The following PARD3 variants were observed in gnomAD, a reference collection of about 807,000 sequenced individuals.
The protein encoded by PARD3 is par-3 family cell polarity regulator.
PARD3 carries 75 observed loss-of-function variants against 155.4 expected under a neutral mutation model. The observed-to-expected ratio is 0.48, with a 90% confidence interval of 0.40 to 0.58. The LOEUF (loss-of-function observed/expected upper bound fraction) is 0.58. PARD3 is among the 20% of genes least tolerant of loss of function. PARD3 has a pLI of 0.00. For synonymous variants in PARD3, 576 were observed against 610.5 expected (o/e 0.94, Z 0.83); for missense variants, 1,642 against 1,721.7 (o/e 0.95, Z 0.82).
At chr10:34,733,920 A>G (rs1324296024) in intron 1 of PARD3, among the ~76,000 whole-genome samples, 1 of 151,700 alleles carries the variant, frequency 6.6e-6, no homozygotes, top group Non-Finnish European at 1.5e-5. Flanking sequence ...AGAGTAAATT[A>G]TGCTTCTGCG....
chr10:34,308,850 G>A (rs1957550053), intron 20 of PARD3, among the ~76,000 whole-genome samples: 2 of 152,108 alleles, frequency 1.3e-5, no homozygotes, highest in Admixed American at 1.3e-4. Context: ...GAGCACCTGG[G>A]GCACAAGACC....
intron 2 of PARD3, among the ~76,000 whole-genome samples, chr10:34,551,563 G>A (rs1316471651): frequency 1.3e-5 from 2 of 152,170 alleles, no homozygotes; most frequent in South Asian, 2.1e-4. Context: ...ACTGCCCCAA[G>A]CAGAAAGCCT....
At chr10:34,451,911 G>A (rs1322400424) in intron 4 of PARD3, among the ~76,000 whole-genome samples, 1 of 151,142 alleles carries the variant, frequency 6.6e-6, no homozygotes, top group Non-Finnish European at 1.5e-5. Context: ...TCAGAAAAAA[G>A]GAAAGGAAAT....
chr10:34,656,009 AAAC>A (rs762686433), intron 2 of PARD3, among the ~76,000 whole-genome samples: 11 of 152,232 alleles, frequency 7.2e-5, no homozygotes, highest in Admixed American at 1.3e-4. Flanking sequence ...ACTCAAAAAC[AAAC>A]AACATTTGAA....
intron 2 of PARD3, among the ~76,000 whole-genome samples, chr10:34,583,424 G>A (rs1044564226): frequency 1.3e-5 from 2 of 152,012 alleles, no homozygotes; most frequent in Admixed American, 1.3e-4. Context: ...GTATCTCTGG[G>A]TTTTAATTTT....
At chr10:34,480,172 A>G (rs1286951089) in intron 3 of PARD3, among the ~76,000 whole-genome samples, 1 of 152,216 alleles carries the variant, frequency 6.6e-6, no homozygotes, top group Non-Finnish European at 1.5e-5. Context: ...GGATCAAAGG[A>G]AACAATCCAG....
At chr10:34,730,291 C>CA (rs1220450044) in intron 1 of PARD3, among the ~76,000 whole-genome samples, 1 of 152,050 alleles carries the variant, frequency 6.6e-6, no homozygotes, top group East Asian at 1.9e-4. Context: ...TCTCTCTCTC[C>CA]AAAATCCAAT....
At chr10:34,682,784 C>A (rs1173042031) in intron 2 of PARD3, among the ~76,000 whole-genome samples, 1 of 152,112 alleles carries the variant, frequency 6.6e-6, no homozygotes, top group Non-Finnish European at 1.5e-5. Context: ...GCTACTCAGG[C>A]GGCTGAGGTG....
At chr10:34,451,780 T>G (rs887257259) in intron 4 of PARD3, among the ~76,000 whole-genome samples, 2 of 151,370 alleles carry the variant, frequency 1.3e-5, no homozygotes, top group Non-Finnish European at 2.9e-5. Flanking sequence ...CAAGTTTTTT[T>G]TTTTTTTTTA....
intron 2 of PARD3, among the ~76,000 whole-genome samples, chr10:34,579,902 A>G (rs1298965504): frequency 7.2e-6 from 1 of 138,272 alleles, no homozygotes; most frequent in Admixed American, 7.3e-5. Context: ...TACCATTTTC[A>G]CTACAGAAAA....
chr10:34,372,674 G>T, intron 11 of PARD3, 138 bp from the exon 12 acceptor site: 1 of 649,860 alleles, frequency 1.5e-6, no homozygotes. Context: ...TTATATGATG[G>T]CTGACATAAT....
At chr10:34,647,511 A>G (rs2092878710) in intron 2 of PARD3, among the ~76,000 whole-genome samples, 1 of 152,274 alleles carries the variant, frequency 6.6e-6, no homozygotes, top group South Asian at 2.1e-4. Context: ...AGGACTTTTC[A>G]AGCCCACAGA....
In PARD3 at chr10:34,110,746, A is replaced by C. The variant is rs1946348474; in HGVS notation, c.*423T>G. On this transcript the variant is annotated 3_prime_UTR_variant, in exon 25 of 25. Coordinates refer to ENST00000374788, the MANE Select transcript of PARD3 (RefSeq NM_001184785.2). ...GGTGTATGTCGCCCACTTTTCCTCCACCAGAGACTAAGATGTCATCCCATA... is the reference window on the plus strand; with the variant it reads ...GGTGTATGTCGCCCACTTTTCCTCCCCCAGAGACTAAGATGTCATCCCATA... The C allele has an allele frequency of 6.5e-6, 1 of 154,708 alleles. No homozygotes were observed. Among genetic ancestry groups the C allele is most frequent in the Non-Finnish European group, 1.4e-5 (1 of 69,870 alleles). 9.6% of individuals were successfully genotyped at this position (154,708 alleles called of 1,614,324 possible).
At chr10:34,810,641 C>T (rs1393297519) in intron 1 of PARD3, among the ~76,000 whole-genome samples, 1 of 152,164 alleles carries the variant, frequency 6.6e-6, no homozygotes, top group Non-Finnish European at 1.5e-5. Context: ...AAATTACATG[C>T]TGCGTTTTTA....
chr10:34,788,591 A>G (rs1011572673), intron 1 of PARD3, among the ~76,000 whole-genome samples: 1 of 152,030 alleles, frequency 6.6e-6, no homozygotes, highest in Non-Finnish European at 1.5e-5. Context: ...CTGGGACTAC[A>G]GGCATGCACC....
chr10:34,378,214 A>G (rs1841451068), intron 9 of PARD3, 108 bp from the exon 10 acceptor site: 2 of 776,808 alleles, frequency 2.6e-6, no homozygotes, highest in East Asian at 5.9e-5. Flanking sequence ...TAACTTTCAC[A>G]ATGGTCCACA....
At chr10:34,551,119 A>G (rs565641753) in intron 2 of PARD3, among the ~76,000 whole-genome samples, 5 of 152,230 alleles carry the variant, frequency 3.3e-5, no homozygotes, top group Non-Finnish European at 7.3e-5. Flanking sequence ...GAAACCTCAT[A>G]TGAATTATAG....
At position 34,439,174 on chromosome 10, in the gene PARD3, G is replaced by A. The variant is rs532603243; in HGVS notation, c.714+11143C>T. Among the ~76,000 whole-genome samples, 98 of 152,270 alleles carry A rather than the reference G, an allele frequency of 6.4e-4. 1 individual carries two copies. The highest frequency in any genetic ancestry group is 6.2e-3 in the South Asian group (30 of 4,818). On this transcript the variant is annotated intron_variant, in intron 5 of 24. Coordinates refer to ENST00000374788, the MANE Select transcript of PARD3 (RefSeq NM_001184785.2). The stretch of plus-strand genomic sequence containing the variant: ...AGAGGTCAGGGAAGCTTCTGCATGC[G>A]AGGAAGGGCAGGGCTGTAAAAATGG...
chr10:34,616,978 G>A (rs147217579), intron 2 of PARD3, among the ~76,000 whole-genome samples: 2,076 of 151,478 alleles, frequency 0.014, 57 homozygotes, highest in African/African-American at 0.047. Flanking sequence ...GATCTTGGCC[G>A]GGGGCGGTGG....
Sources: allele counts gnomAD v4.1 joint callset (sites outside exome capture counted in the v4.1 genomes callset), GRCh38; gene constraint gnomAD v4.1.1; transcripts MANE v1.5; gene names NCBI Gene and HGNC (gene_info 2026-07-23, HGNC 2026-07-21).